The following AKAP14 variants were observed in gnomAD, a reference collection of about 807,000 sequenced individuals.
AKAP14 encodes A-kinase anchor protein 14.
A neutral mutation model predicts 17.0 loss-of-function variants in AKAP14; 4 were observed. That is an observed-to-expected ratio of 0.23 (90% CI 0.12 to 0.54). The LOEUF is 0.54. Ranked by LOEUF, AKAP14 falls within the 20% of genes least tolerant of loss-of-function variation. AKAP14 has a pLI of 0.95. For synonymous variants in AKAP14, 42 were observed against 51.3 expected, an observed-to-expected ratio of 0.82 and a Z score of 0.77; for missense variants, 129 against 150.9, an observed-to-expected ratio of 0.85 and a Z score of 0.76.
intron 4 of AKAP14, among the ~76,000 whole-genome samples, chrX:119,905,081 T>C (rs913369348): frequency 1.8e-5 from 2 of 110,177 alleles, no homozygotes; most frequent in African/African-American, 6.6e-5. Context: ...ATCCTTCTCA[T>C]TGTGCTTCTG....
chrX:119,904,267 A>G (rs1194670115), intron 4 of AKAP14, among the ~76,000 whole-genome samples: 4 of 111,941 alleles, frequency 3.6e-5, no homozygotes, highest in Non-Finnish European at 7.5e-5. Context: ...TGCTCCTGTT[A>G]ACAGAGGGGA....
chrX:119,920,013 A>G (rs768022557), intron 6 of AKAP14, 50 bp downstream of exon 6: 9 of 1,128,997 alleles, frequency 8.0e-6, no homozygotes, highest in Admixed American at 4.4e-5. Flanking sequence ...AAAGGTCATC[A>G]CACTCCAGGA....
At chrX:119,913,283 C>T (rs1186426172) in intron 4 of AKAP14, among the ~76,000 whole-genome samples, 1 of 112,116 alleles carries the variant, frequency 8.9e-6, no homozygotes, top group African/African-American at 3.2e-5. Context: ...TTATATACCA[C>T]CTATGGCTAC....
intron 4 of AKAP14, among the ~76,000 whole-genome samples, chrX:119,910,134 A>G (rs975260854): frequency 1.9e-4 from 21 of 111,494 alleles, no homozygotes; most frequent in African/African-American, 6.8e-4. Context: ...ACTGCACTCC[A>G]GCCTAGGTGA....
At position 119,903,250 on chromosome X, in the gene AKAP14, C is replaced by G; in HGVS notation, c.27C>G (p.Ser9Arg). ...TGAGTGAGACTCAAAATTCAACAAG[C>G]CAGAAAGCAATGGATGAGGATAACA... Reference protein sequence around the residue: MSETQNSTSQKAMDEDNKA... With the variant: MSETQNSTRQKAMDEDNKA... The change falls in exon 3 of 7, where the codon AGC (serine) becomes AGG (arginine). Residue 9 changes from serine to arginine, a missense_variant. Coordinates refer to ENST00000371431, the MANE Select transcript of AKAP14 (RefSeq NM_178813.6). The G allele has an allele frequency of 8.3e-7, 1 of 1,209,883 alleles. No individual in the cohort carries two copies. The highest frequency in any genetic ancestry group is 1.1e-6 in the Non-Finnish European group (1 of 895,148).
intron 5 of AKAP14, 62 bp from the exon 6 acceptor site, chrX:119,919,849 G>GA (rs1158685963): frequency 1.7e-5 from 20 of 1,152,301 alleles, no homozygotes; most frequent in Non-Finnish European, 2.2e-5. Context: ...ACTCCATCTT[G>GA]AAAAAAACAA....
chrX:119,901,650 G>A (rs766726920), intron 2 of AKAP14, among the ~76,000 whole-genome samples: 31 of 107,741 alleles, frequency 2.9e-4, no homozygotes, highest in Non-Finnish European at 5.4e-4. Flanking sequence ...AGGTTGCAGT[G>A]AGCCAAGATT....
At chrX:119,904,346 C>T (rs2056585459) in intron 4 of AKAP14, among the ~76,000 whole-genome samples, 1 of 112,287 alleles carries the variant, frequency 8.9e-6, no homozygotes. Context: ...GATGTACAAT[C>T]CCATGAATTC....
intron 2 of AKAP14, among the ~76,000 whole-genome samples, chrX:119,897,853 C>T (rs1569468370): frequency 9.0e-6 from 1 of 111,684 alleles, no homozygotes; most frequent in East Asian, 2.8e-4. Flanking sequence ...CTGGTGTAGG[C>T]AGGACACGGT....
chrX:119,912,795 C>T (rs1184145104), intron 4 of AKAP14, among the ~76,000 whole-genome samples: 1 of 111,562 alleles, frequency 9.0e-6, no homozygotes, highest in African/African-American at 3.2e-5. Context: ...TCAAAATCCA[C>T]GTGCGCTCAA....
intron 5 of AKAP14, among the ~76,000 whole-genome samples, chrX:119,918,761 G>T (rs150494219): frequency 8.9e-6 from 1 of 112,015 alleles, no homozygotes; most frequent in Non-Finnish European, 1.9e-5. Flanking sequence ...GGGAAGGGTC[G>T]TCAGAGGAGC....
chrX:119,908,017 G>A (rs1041464822), intron 4 of AKAP14, among the ~76,000 whole-genome samples: 9 of 111,687 alleles, frequency 8.1e-5, no homozygotes, highest in Non-Finnish European at 1.1e-4. Context: ...TGGGCGCGGT[G>A]GCTCACGCCT....
At position 119,918,657 on chromosome X, in the gene AKAP14, T is replaced by C. The variant is rs2056671992; in HGVS notation, c.442-1254T>C. Among the ~76,000 whole-genome samples the C allele has an allele frequency of 4.4e-5, 5 of 112,522 alleles. 1 individual carries two copies. The South Asian group carries it at 1.8e-3, about 41-fold the overall frequency. ...GGCACTCAATAAATACTTGAAAGAA[T>C]GATTGCTGGTATCCACGAGGTAGAC... On this transcript the variant is annotated intron_variant, in intron 5 of 6. Coordinates refer to ENST00000371431, the MANE Select transcript of AKAP14 (RefSeq NM_178813.6).
chrX:119,918,413 G>T (rs1462269429), intron 5 of AKAP14, among the ~76,000 whole-genome samples: 1 of 110,931 alleles, frequency 9.0e-6, no homozygotes, highest in Non-Finnish European at 1.9e-5. Context: ...TGTATTTTTA[G>T]TAGAGATGGG....
intron 6 of AKAP14, 82 bp downstream of exon 6, chrX:119,920,045 A>C (rs1179897540): frequency 2.0e-6 from 2 of 991,722 alleles, no homozygotes; most frequent in Non-Finnish European, 2.8e-6. Context: ...GCGCAACAAC[A>C]GATAGTTCAT....
chrX:119,906,740 C>A (rs1019924707), intron 4 of AKAP14, among the ~76,000 whole-genome samples: 13 of 111,516 alleles, frequency 1.2e-4, no homozygotes, highest in African/African-American at 3.9e-4. Flanking sequence ...GATGGGGTTT[C>A]ACCATTTTGG....
chrX:119,902,309 C>T (rs1016517983), intron 2 of AKAP14, among the ~76,000 whole-genome samples: 10 of 110,746 alleles, frequency 9.0e-5, no homozygotes, highest in Non-Finnish European at 1.1e-4. Context: ...CTCCTGACCT[C>T]GTGATATGCC....
chrX:119,906,232 T>TC (rs2056596607), intron 4 of AKAP14, among the ~76,000 whole-genome samples: 1 of 81,457 alleles, frequency 1.2e-5, no homozygotes, highest in African/African-American at 5.0e-5. Flanking sequence ...TTTCTTTTTT[T>TC]TTTTTTTTTT....
chrX:119,900,774 C>T (rs1028210961), intron 2 of AKAP14, among the ~76,000 whole-genome samples: 1 of 110,886 alleles, frequency 9.0e-6, no homozygotes, highest in Admixed American at 9.7e-5. Context: ...TGCACTTAAG[C>T]GATCCTCCCA....
Sources: allele counts gnomAD v4.1 joint callset (sites outside exome capture counted in the v4.1 genomes callset), GRCh38; gene constraint gnomAD v4.1.1; transcripts MANE v1.5; gene names NCBI Gene and HGNC (gene_info 2026-07-23, HGNC 2026-07-21).